Variants in FGD6 observed in about 807,000 individuals in gnomAD.
FGD6 encodes the protein FYVE, RhoGEF and PH domain containing 6.
A neutral mutation model predicts 149.4 loss-of-function variants in FGD6; 90 were observed. The observed-to-expected ratio is 0.60, with a 90% CI of 0.51 to 0.72. The LOEUF is 0.72. Among genes scored for constraint, FGD6 ranks in the 30% least tolerant of loss-of-function variants. The probability of loss-of-function intolerance (pLI) is 0.00; values close to 1 mark genes in which losing one functional copy is unlikely to be tolerated. For missense variants in FGD6, 1,437 were observed against 1,684.8 expected (o/e 0.85, Z 2.57); for synonymous variants, 527 against 584.0 (o/e 0.90, Z 1.41).
intron 2 of FGD6, among the ~76,000 whole-genome samples, chr12:95,204,867 T>G (rs1225230922): frequency 6.6e-6 from 1 of 152,196 alleles, no homozygotes; most frequent in Non-Finnish European, 1.5e-5. Context: ...CTTTGGGAAA[T>G]ACACTCTGAG....
chr12:95,136,588 G>A (rs1481186966), intron 7 of FGD6, among the ~76,000 whole-genome samples: 1 of 152,146 alleles, frequency 6.6e-6, no homozygotes, highest in African/African-American at 2.4e-5. Context: ...GCTGACACAT[G>A]CTCTGAACAG....
intron 8 of FGD6, among the ~76,000 whole-genome samples, chr12:95,131,931 T>C (rs963663367): frequency 2.0e-5 from 3 of 152,102 alleles, no homozygotes; most frequent in Non-Finnish European, 4.4e-5. Context: ...TCCCAGCTAC[T>C]TGGGAGGCTG....
In FGD6 at chr12:95,081,951, C is replaced by T. The variant is rs112910307; in HGVS notation, c.4257-395G>A. The stretch of plus-strand genomic sequence containing the variant: ...CCTCCCAAAGTGTTGGGATTACAGG[C>T]GTGAGCCACCGTGACCGGCCAGTAA... On this transcript the variant is annotated intron_variant, in intron 20 of 20. Transcript: ENST00000343958. Among the ~76,000 whole-genome samples, 682 of 152,156 alleles carry T rather than the reference C, an allele frequency of 4.5e-3. 6 individuals are homozygous for T. Among genetic ancestry groups the T allele is most frequent in the African/African-American group, 0.015 (641 of 41,514 alleles).
Position 95,172,654 on chromosome 12 carries a change from A to C in FGD6, c.2532T>G (p.Asp844Glu), listed in dbSNP as rs1249351428. Residue 844 changes from aspartate (D) to glutamate (E), a missense_variant, in exon 3 of 21, where the codon GAT becomes GAG. Asp to Glu is a conservative substitution (Grantham distance 45). Around this residue, in one of 2 missense-constraint regions of FGD6, gnomAD observed 1,055 missense variants for 1,146.0 expected, o/e 0.92. Coordinates refer to ENST00000343958, the MANE Select transcript of FGD6 (RefSeq NM_018351.4). ...EEEIINSSDE[D>E]DVSSESSKGE... ...CTTTACTTGACTCAGAGCTGACATC[A>C]TCTTCATCAGAACTGTTGATGATTT... is the stretch of plus-strand genomic sequence containing the variant. The C allele has an allele frequency of 6.2e-7, 1 of 1,613,488 alleles. No homozygotes were observed. Among genetic ancestry groups the C allele is most frequent in the Non-Finnish European group, 8.5e-7 (1 of 1,179,692 alleles).
chr12:95,113,517 T>G, intron 9 of FGD6, 134 bp downstream of exon 9: 15 of 691,172 alleles, frequency 2.2e-5, no homozygotes, highest in Non-Finnish European at 3.5e-5. Flanking sequence ...ATTACAGGTG[T>G]GAGCCACCGC....
intron 9 of FGD6, among the ~76,000 whole-genome samples, chr12:95,109,869 C>T (rs1420326980): frequency 6.6e-6 from 1 of 151,976 alleles, no homozygotes; most frequent in African/African-American, 2.4e-5. Flanking sequence ...CTCAACAAAA[C>T]AAAACGAAAC....
At chr12:95,157,993 A>G (rs1328148822) in intron 3 of FGD6, among the ~76,000 whole-genome samples, 1 of 151,376 alleles carries the variant, frequency 6.6e-6, no homozygotes, top group Non-Finnish European at 1.5e-5. Flanking sequence ...AACTACAGGC[A>G]TGCACTACTA....
chr12:95,153,220 T>C (rs1592854574), intron 3 of FGD6, among the ~76,000 whole-genome samples: 1 of 152,326 alleles, frequency 6.6e-6, no homozygotes, highest in East Asian at 1.9e-4. Context: ...TTAGCTGGAT[T>C]GATGAACTGC....
intron 9 of FGD6, 147 bp downstream of exon 9, chr12:95,113,504 G>A (rs1378872081): frequency 1.6e-6 from 1 of 628,954 alleles, no homozygotes; most frequent in Non-Finnish European, 2.8e-6. Context: ...CCAAACTGCT[G>A]GGATTACAGG....
intron 1 of FGD6, among the ~76,000 whole-genome samples, chr12:95,214,861 C>CT (rs1171146305): frequency 0.022 from 2,828 of 129,166 alleles, 86 homozygotes; most frequent in African/African-American, 0.059. Context: ...CTCCTTTTTT[C>CT]TTTTTTTTTT....
chr12:95,210,772 C>T lies in FGD6; in HGVS notation c.512G>A (p.Gly171Glu). 1 of 1,614,116 alleles carries T rather than the reference C, an allele frequency of 6.2e-7. No individual in the cohort carries two copies. The highest frequency in any genetic ancestry group is 2.2e-5 in the East Asian group (1 of 44,888). Residue 171 changes from glycine (G) to glutamate (E), a missense_variant, in exon 2 of 21, where the codon GGG becomes GAG. Gly to Glu is a moderately conservative substitution (Grantham distance 98, BLOSUM62 -2). Coordinates refer to ENST00000343958, the MANE Select transcript of FGD6 (RefSeq NM_018351.4). ...TAAAACGCTTGCCTTTAAAACAACC[C>T]CACCCTGGTTCTTGGCTTTTTCACC... ...LYGEKAKNQG[G>E]VVLKASVLEE...
intron 5 of FGD6, among the ~76,000 whole-genome samples, chr12:95,148,784 T>C (rs1437523196): frequency 2.0e-5 from 2 of 100,668 alleles, no homozygotes; most frequent in Non-Finnish European, 3.6e-5. Context: ...TATTATATAT[T>C]ATATAATACA....
chr12:95,112,789 G>A (rs1592837078), intron 9 of FGD6, among the ~76,000 whole-genome samples: 1 of 152,208 alleles, frequency 6.6e-6, no homozygotes, highest in African/African-American at 2.4e-5. Flanking sequence ...CTAGCTATGA[G>A]TCCCTCATGT....
intron 3 of FGD6, among the ~76,000 whole-genome samples, chr12:95,153,948 A>T (rs10859840): frequency 0.66 from 91,933 of 140,216 alleles, 29,834 homozygotes; most frequent in Admixed American, 0.73. Context: ...TGTGTGTGTG[A>T]GTGAGAGAGA....
intron 15 of FGD6, among the ~76,000 whole-genome samples, chr12:95,094,022 G>A (rs1392291478): frequency 4.6e-5 from 7 of 151,574 alleles, no homozygotes; most frequent in African/African-American, 1.7e-4. Context: ...AGCTGGGCGT[G>A]GTGGTGCATG....
Position 95,209,473 on chromosome 12 carries a change from T to G in FGD6, c.1811A>C (p.Lys604Thr). Residue 604 changes from lysine to threonine, a missense_variant, in exon 2 of 21, where the codon AAA becomes ACA. Transcript: ENST00000343958. ...TTCCACATCCATAGCAGATAACGAT[T>G]TTGCTCTGGGCTTGGTTAGGGCTGT... is the stretch of plus-strand genomic sequence containing the variant. Reference protein sequence around the residue: ...PSTALTKPRAKSLSAMDVEKC... With the variant: ...PSTALTKPRATSLSAMDVEKC... 6.2e-7 allele frequency: 1 copy of G among 1,612,106 alleles called. No individual in the cohort carries two copies. The highest frequency in any genetic ancestry group is 8.5e-7 in the Non-Finnish European group (1 of 1,179,318).
intron 8 of FGD6, among the ~76,000 whole-genome samples, chr12:95,127,728 A>G (rs1454938580): frequency 1.3e-5 from 2 of 152,246 alleles, no homozygotes; most frequent in African/African-American, 4.8e-5. Flanking sequence ...TCCTAAAGGC[A>G]AAGACAACGA....
intron 8 of FGD6, among the ~76,000 whole-genome samples, chr12:95,115,813 C>G (rs543188251): frequency 6.6e-6 from 1 of 152,138 alleles, no homozygotes; most frequent in South Asian, 2.1e-4. Context: ...GACACAAACA[C>G]GCGCCCAATT....
In FGD6 at chr12:95,211,039, T is replaced by C. The variant is rs780386860; in HGVS notation, c.245A>G (p.His82Arg). 20 of 1,614,090 alleles carry C rather than the reference T, an allele frequency of 1.2e-5. No individual in the cohort carries two copies. The highest frequency in any genetic ancestry group is 1.6e-5 in the Non-Finnish European group (19 of 1,180,046). Residue 82 changes from histidine (H) to arginine (R), a missense_variant, in exon 2 of 21, where the codon CAT (histidine) becomes CGT (arginine). Physicochemically the swap from His to Arg is conservative, Grantham distance 29. This residue lies in a region of FGD6 where 1,055 missense variants were observed against 1,146.0 expected (regional missense o/e 0.92). Coordinates refer to ENST00000343958, the MANE Select transcript of FGD6 (RefSeq NM_018351.4). ...SRKIMLNLEG[H>R]KQELAESTDN... ...AGTGCTTTCAGCTAATTCCTGTTTA[T>C]GCCCTTCCAGGTTCAACATGATTTT...
Sources: allele counts gnomAD v4.1 joint callset (sites outside exome capture counted in the v4.1 genomes callset), GRCh38; gene constraint gnomAD v4.1.1; regional missense constraint gnomAD v4.1.1; transcripts MANE v1.5; gene names NCBI Gene and HGNC (gene_info 2026-07-23, HGNC 2026-07-21).